Variants in SUMF1 observed in about 807,000 individuals in gnomAD.
The protein encoded by SUMF1 is sulfatase modifying factor 1.
SUMF1 carries 48 observed loss-of-function variants against 47.6 expected under a neutral mutation model. The ratio of observed to expected loss-of-function variants is 1.01; its 90% CI spans 0.80 to 1.28. The LOEUF (loss-of-function observed/expected upper bound fraction) is 1.28. Among genes scored for constraint, SUMF1 ranks in the 50% most tolerant of loss-of-function variants. The pLI is 0.00. For missense variants in SUMF1, 571 were observed against 485.4 expected, an observed-to-expected ratio of 1.18 and a Z score of -1.66; for synonymous variants, 230 against 192.1, an observed-to-expected ratio of 1.20 and a Z score of -1.63.
intron 1 of SUMF1, among the ~76,000 whole-genome samples, chr3:4,461,062 T>A (rs1375602415): frequency 6.6e-6 from 1 of 152,176 alleles, no homozygotes; most frequent in Non-Finnish European, 1.5e-5. Flanking sequence ...TGGTGCATGG[T>A]CCACAGCAGA....
intron 8 of SUMF1, among the ~76,000 whole-genome samples, chr3:4,267,492 G>T (rs1269762305): frequency 1.3e-5 from 2 of 152,130 alleles, no homozygotes; most frequent in East Asian, 3.9e-4. Context: ...ATTTCTTCTA[G>T]ATTTTCTAGT....
chr3:4,299,671 G>A (rs1032931870), intron 8 of SUMF1, among the ~76,000 whole-genome samples: 5 of 152,146 alleles, frequency 3.3e-5, no homozygotes, highest in Admixed American at 2.6e-4. Flanking sequence ...GTAGCTGGGT[G>A]TGGTGGCACA....
chr3:4,464,552 A>C (rs1468449141), intron 1 of SUMF1, among the ~76,000 whole-genome samples: 3 of 152,194 alleles, frequency 2.0e-5, no homozygotes, highest in Admixed American at 6.5e-5. Context: ...TAATGTGCCA[A>C]ATAAACATTT....
chr3:4,253,700 T>C (rs901361925), intron 8 of SUMF1, among the ~76,000 whole-genome samples: 6 of 150,066 alleles, frequency 4.0e-5, no homozygotes, highest in Non-Finnish European at 8.9e-5. Context: ...CGCCCGCCAT[T>C]GGCCAGGCTT....
At chr3:4,150,428 G>A (rs1420774364) in intron 8 of SUMF1, among the ~76,000 whole-genome samples, 1 of 151,042 alleles carries the variant, frequency 6.6e-6, no homozygotes, top group Admixed American at 6.6e-5. Flanking sequence ...CAGGTGTAGA[G>A]GCAGGTGCCT....
intron 8 of SUMF1, among the ~76,000 whole-genome samples, chr3:4,115,220 C>CAG (rs892436435): frequency 5.9e-5 from 9 of 152,078 alleles, no homozygotes; most frequent in Non-Finnish European, 1.0e-4. Flanking sequence ...CGGCTGGGGG[C>CAG]AGCCAGTCTC....
chr3:4,190,634 G>A (rs1695294902), intron 8 of SUMF1, among the ~76,000 whole-genome samples: 1 of 152,048 alleles, frequency 6.6e-6, no homozygotes. Flanking sequence ...TGAGAAAAAG[G>A]TATTATAAAT....
intron 8 of SUMF1, among the ~76,000 whole-genome samples, chr3:4,134,034 C>G (rs1693858841): frequency 6.6e-6 from 1 of 152,018 alleles, no homozygotes; most frequent in African/African-American, 2.4e-5. Flanking sequence ...CTTTAACAAC[C>G]CACTGTCAAC....
At chr3:4,376,270 T>A in intron 8 of SUMF1, 60 bp downstream of exon 8, 2 of 1,586,868 alleles carry the variant, frequency 1.3e-6, no homozygotes, top group Admixed American at 3.3e-5. Context: ...TCATTTACAA[T>A]GGATCCATAA....
chr3:4,285,387 G>A (rs1697613069), intron 8 of SUMF1, among the ~76,000 whole-genome samples: 1 of 151,968 alleles, frequency 6.6e-6, no homozygotes, highest in South Asian at 2.1e-4. Context: ...TATTAATGAT[G>A]GTAATGGTCA....
At chr3:4,392,906 G>T (rs1354372047) in intron 7 of SUMF1, among the ~76,000 whole-genome samples, 1 of 151,770 alleles carries the variant, frequency 6.6e-6, no homozygotes, top group African/African-American at 2.4e-5. Context: ...TTAGACAGAG[G>T]CTATCTCAGA....
chr3:4,060,612 A>T (rs1447255763), intron 9 of SUMF1, among the ~76,000 whole-genome samples: 1 of 152,176 alleles, frequency 6.6e-6, no homozygotes, highest in Non-Finnish European at 1.5e-5. Flanking sequence ...ATGTATGATT[A>T]TTAACACTAT....
At chr3:4,383,303 C>T (rs1244653256) in intron 7 of SUMF1, among the ~76,000 whole-genome samples, 1 of 152,102 alleles carries the variant, frequency 6.6e-6, no homozygotes, top group African/African-American at 2.4e-5. Context: ...TGCTTGAACC[C>T]GGGAGGCGGA....
At chr3:4,453,448 G>A (rs919299285) in intron 1 of SUMF1, among the ~76,000 whole-genome samples, 2 of 151,760 alleles carry the variant, frequency 1.3e-5, no homozygotes, top group African/African-American at 4.8e-5. Context: ...GCTCACTACA[G>A]CATTGACTTC....
At chr3:4,453,531 TAA>T (rs1703049279) in intron 1 of SUMF1, among the ~76,000 whole-genome samples, 1 of 138,958 alleles carries the variant, frequency 7.2e-6, no homozygotes, top group Non-Finnish European at 1.6e-5. Context: ...CATGCCCAAC[TAA>T]TTTTTTTTTT....
At chr3:4,075,264 C>G (rs1291006971) in intron 8 of SUMF1, among the ~76,000 whole-genome samples, 1 of 151,980 alleles carries the variant, frequency 6.6e-6, no homozygotes, top group Non-Finnish European at 1.5e-5. Flanking sequence ...TCAATAGATA[C>G]AAAAGAGGAC....
intron 8 of SUMF1, among the ~76,000 whole-genome samples, chr3:4,270,454 C>A (rs960525729): frequency 4.0e-5 from 6 of 151,728 alleles, no homozygotes; most frequent in African/African-American, 1.5e-4. Flanking sequence ...ACACACACCA[C>A]CCACTTAAAT....
At chr3:4,258,610 A>T (rs576331866) in intron 8 of SUMF1, among the ~76,000 whole-genome samples, 2 of 152,236 alleles carry the variant, frequency 1.3e-5, no homozygotes, top group South Asian at 2.1e-4. Flanking sequence ...AAATCAGGAA[A>T]CAACAGGTGC....
intron 8 of SUMF1, among the ~76,000 whole-genome samples, chr3:4,083,179 G>C (rs919566421): frequency 2.0e-5 from 3 of 152,110 alleles, no homozygotes; most frequent in African/African-American, 4.8e-5. Flanking sequence ...CCTCACTTTT[G>C]ATTAAGAGAT....
Sources: gnomAD v4.1 joint callset for allele counts (sites outside exome capture counted in the v4.1 genomes callset) on GRCh38, gnomAD v4.1.1 for gene constraint, MANE v1.5 for transcripts, NCBI Gene and HGNC (gene_info 2026-07-23, HGNC 2026-07-21) for gene names.